ANK2: variants seen among roughly 807,000 people sequenced by gnomAD.
The protein encoded by ANK2 is ankyrin-2.
Under a neutral mutation model 360.5 loss-of-function variants are expected in ANK2, and 83 were observed. The ratio of observed to expected loss-of-function variants is 0.23; its 90% CI spans 0.19 to 0.28. ANK2 has a LOEUF of 0.28. ANK2 is among the 10% of genes least tolerant of loss of function. ANK2 has a pLI of 1.00. For missense variants in ANK2, 4,201 were observed against 4,795.7 expected, an observed-to-expected ratio of 0.88 and a Z score of 3.66; for synonymous variants, 1,740 against 1,759.5, an observed-to-expected ratio of 0.99 and a Z score of 0.28.
Position 113,274,605 on chromosome 4 carries a change from T to C in ANK2, c.1639T>C (p.Ser547Pro). Residue 547 changes from serine to proline, a missense_variant, in exon 15 of 46, where the codon TCA (serine) becomes CCA (proline). Transcript: ENST00000357077. ...SAREGQVDVA[S>P]VLLEAGAAHS... is the part of the protein sequence containing the mutation. ...CCGGGAGGGCCAGGTGGATGTGGCATCAGTCCTATTGGAAGCAGGAGCAGC... is the reference window on the plus strand; with the variant it reads ...CCGGGAGGGCCAGGTGGATGTGGCACCAGTCCTATTGGAAGCAGGAGCAGC... 2 of 1,614,198 alleles carry C rather than the reference T, an allele frequency of 1.2e-6. No homozygotes were observed. Among genetic ancestry groups the C allele is most frequent in the Non-Finnish European group, 1.7e-6 (2 of 1,180,040 alleles).
chr4:113,241,460 C>T (rs1210386693), intron 8 of ANK2, among the ~76,000 whole-genome samples: 1 of 152,110 alleles, frequency 6.6e-6, no homozygotes, highest in Non-Finnish European at 1.5e-5. Context: ...GGCTCAGCCT[C>T]CTGAGTAGCT....
intron 26 of ANK2, among the ~76,000 whole-genome samples, chr4:113,329,957 A>G (rs1312260385): frequency 6.6e-6 from 1 of 152,214 alleles, no homozygotes; most frequent in African/African-American, 2.4e-5. Context: ...TTCAAAATCA[A>G]TTAGGCTTAT....
the ANK2 span, among the ~76,000 whole-genome samples, chr4:112,780,085 G>A: frequency 6.6e-6 from 1 of 152,052 alleles, no homozygotes; most frequent in Non-Finnish European, 1.5e-5. Context: ...TAGCCAGGCT[G>A]GTGGTGCACG....
At chr4:112,909,355 T>G (rs1007800069) in intron 2 of ANK2, among the ~76,000 whole-genome samples, 2 of 152,216 alleles carry the variant, frequency 1.3e-5, no homozygotes, top group African/African-American at 4.8e-5. Context: ...CATACATAAT[T>G]GGGAGTAATG....
chr4:113,085,406 C>G, intron 1 of ANK2, among the ~76,000 whole-genome samples: 1 of 152,010 alleles, frequency 6.6e-6, no homozygotes, highest in East Asian at 1.9e-4. Flanking sequence ...CTCCACCTCC[C>G]AGGTTCAAGC....
chr4:113,126,942 C>T (rs576827097), intron 1 of ANK2, among the ~76,000 whole-genome samples: 1 of 152,140 alleles, frequency 6.6e-6, no homozygotes, highest in Non-Finnish European at 1.5e-5. Flanking sequence ...TGTAATTGGC[C>T]TTCACATGAG....
chr4:113,239,083 T>C (rs2099405526), intron 7 of ANK2, among the ~76,000 whole-genome samples: 1 of 152,188 alleles, frequency 6.6e-6, no homozygotes, highest in South Asian at 2.1e-4. Flanking sequence ...TCCTAAAATA[T>C]GAAAATTTGA....
In ANK2 at chr4:112,996,500, A is replaced by G. The variant is rs1318008127; in HGVS notation, c.21+91986A>G. Among the ~76,000 whole-genome samples, 3 of 152,346 alleles carry G rather than the reference A, an allele frequency of 2.0e-5. No homozygotes were observed. The South Asian group carries it at 6.2e-4, about 32-fold the overall frequency. On this transcript the variant is annotated intron_variant, in intron 2 of 30. Coordinates refer to the ANK2 transcript ENST00000503271. The stretch of plus-strand genomic sequence containing the variant: ...ATTTACTGTGCTTATAGAATGTAAT[A>G]GGAACAGCACCTTTTATTGTACCAT...
At chr4:112,870,005 G>A (rs2072294648) in intron 1 of ANK2, among the ~76,000 whole-genome samples, 1 of 151,632 alleles carries the variant, frequency 6.6e-6, no homozygotes, top group South Asian at 2.1e-4. Context: ...TTGTTTGTTT[G>A]TTTGTTTTCT....
intron 2 of ANK2, among the ~76,000 whole-genome samples, chr4:113,188,540 T>G (rs1007137093): frequency 6.6e-6 from 1 of 152,162 alleles, no homozygotes; most frequent in Non-Finnish European, 1.5e-5. Context: ...AATGTTCCCT[T>G]TAAGTGATTC....
chr4:113,221,719 A>G (rs2153491493), intron 4 of ANK2, among the ~76,000 whole-genome samples: 1 of 152,234 alleles, frequency 6.6e-6, no homozygotes, highest in Non-Finnish European at 1.5e-5. Context: ...AATGTAGATA[A>G]GTAGTTTGTT....
At chr4:112,747,332 C>G in the ANK2 span, among the ~76,000 whole-genome samples, 1 of 152,214 alleles carries the variant, frequency 6.6e-6, no homozygotes, top group Non-Finnish European at 1.5e-5. Context: ...GAAAAGAAAT[C>G]TTAATCTGTC....
At chr4:112,839,361 T>C (rs2061630484) in intron 1 of ANK2, among the ~76,000 whole-genome samples, 1 of 152,210 alleles carries the variant, frequency 6.6e-6, no homozygotes, top group Non-Finnish European at 1.5e-5. Flanking sequence ...TCAGGCTTTT[T>C]TTTTTCAATG....
intron 1 of ANK2, among the ~76,000 whole-genome samples, chr4:113,159,110 T>C (rs1347597135): frequency 1.3e-5 from 2 of 151,946 alleles, no homozygotes; most frequent in Non-Finnish European, 2.9e-5. Context: ...TTATAAGGCA[T>C]GGTTTCCACC....
chr4:113,333,503 A>G (rs557654087), intron 29 of ANK2, among the ~76,000 whole-genome samples: 3 of 152,216 alleles, frequency 2.0e-5, no homozygotes, highest in Non-Finnish European at 4.4e-5. Context: ...TTTAGTGTAA[A>G]CTTTTTTGAG....
intron 1 of ANK2, among the ~76,000 whole-genome samples, chr4:113,137,053 C>A (rs915548408): frequency 1.3e-5 from 2 of 152,080 alleles, no homozygotes; most frequent in Non-Finnish European, 1.5e-5. Context: ...AGGCTGGTCT[C>A]AAACTCCTGA....
At chr4:113,314,533 C>A (rs769155422) in intron 24 of ANK2, among the ~76,000 whole-genome samples, 1 of 152,098 alleles carries the variant, frequency 6.6e-6, no homozygotes, top group Admixed American at 6.5e-5. Flanking sequence ...TGTTATTATA[C>A]ATTTATTAAC....
intron 2 of ANK2, among the ~76,000 whole-genome samples, chr4:113,188,979 T>C (rs1047673391): frequency 6.6e-6 from 1 of 152,220 alleles, no homozygotes; most frequent in Non-Finnish European, 1.5e-5. Context: ...ACAAACATTA[T>C]TGAAGTGCAC....
chr4:113,194,001 C>G (rs969921878), intron 2 of ANK2, among the ~76,000 whole-genome samples: 2 of 152,156 alleles, frequency 1.3e-5, no homozygotes, highest in Non-Finnish European at 2.9e-5. Flanking sequence ...AAAATTAAAT[C>G]ATTGACAATA....
Sources: gnomAD v4.1 joint callset for allele counts (sites outside exome capture counted in the v4.1 genomes callset) on GRCh38, gnomAD v4.1.1 for gene constraint, MANE v1.5 for transcripts, NCBI Gene and HGNC (gene_info 2026-07-23, HGNC 2026-07-21) for gene names.